CLVS1: variants seen among roughly 807,000 people sequenced by gnomAD.
CLVS1 encodes the protein clavesin 1.
In CLVS1, 10 loss-of-function variants were observed where a neutral mutation model predicts 33.1. The observed-to-expected ratio is 0.30, with a 90% confidence interval of 0.19 to 0.51. The LOEUF is 0.51. Among genes scored for constraint, CLVS1 ranks in the 20% least tolerant of loss-of-function variants. The probability of loss-of-function intolerance (pLI) is 0.97; values close to 1 mark genes in which losing one functional copy is unlikely to be tolerated. For missense variants in CLVS1, 343 were observed against 433.4 expected, an observed-to-expected ratio of 0.79 and a Z score of 1.85; for synonymous variants, 163 against 166.1, an observed-to-expected ratio of 0.98 and a Z score of 0.14.
Position 61,299,930 on chromosome 8 carries a change from A to G in CLVS1, c.103A>G (p.Ile35Val), listed in dbSNP as rs759006982. 5.6e-6 allele frequency: 9 copies of G among 1,613,920 alleles called. No homozygotes were observed. Among genetic ancestry groups the G allele is most frequent in the South Asian group, 1.1e-5 (1 of 91,082 alleles). Residue 35 changes from isoleucine to valine, a missense_variant, in exon 2 of 6, where the codon ATA becomes GTA. Physicochemically the swap from Ile to Val is conservative, Grantham distance 29. This residue lies in a region of CLVS1 where 88 missense variants were observed against 77.3 expected (regional missense o/e 1.14). Coordinates refer to ENST00000325897, the MANE Select transcript of CLVS1 (RefSeq NM_173519.3). ...ACAGGCTGGACTCAGTCCAGAGACT[A>G]TAGAGAAAGCTCGCCTGGAACTGAA... ...HLQAGLSPET[I>V]EKARLELNEN...
chr8:61,414,585 G>A (rs1815359086), intron 3 of CLVS1, among the ~76,000 whole-genome samples: 1 of 152,112 alleles, frequency 6.6e-6, no homozygotes, highest in Non-Finnish European at 1.5e-5. Flanking sequence ...TTTGGCTGGG[G>A]CTGCGAGTAG....
At chr8:61,210,324 TCA>T in intron 2 of CLVS1, among the ~76,000 whole-genome samples, 1 of 152,320 alleles carries the variant, frequency 6.6e-6, no homozygotes, top group Non-Finnish European at 1.5e-5. Flanking sequence ...GGAACAGCCC[TCA>T]CCGGACACTG....
At chr8:61,106,742 A>T (rs1805546261) in intron 1 of CLVS1, among the ~76,000 whole-genome samples, 2 of 152,106 alleles carry the variant, frequency 1.3e-5, no homozygotes, top group Admixed American at 1.3e-4. Flanking sequence ...CAACTATGGA[A>T]ATTTTACTGG....
At chr8:61,478,846 T>C (rs953289137) in intron 5 of CLVS1, among the ~76,000 whole-genome samples, 2 of 152,188 alleles carry the variant, frequency 1.3e-5, no homozygotes, top group Admixed American at 1.3e-4. Context: ...ATGTGTGAAT[T>C]TGATCCTGTC....
chr8:61,340,751 A>G (rs1156411467), intron 2 of CLVS1, among the ~76,000 whole-genome samples: 2 of 151,822 alleles, frequency 1.3e-5, no homozygotes, highest in East Asian at 1.9e-4. Flanking sequence ...TTTTTTGAGG[A>G]CCCTCCATAT....
chr8:61,120,513 T>G lies in CLVS1; in HGVS notation c.-242-11257T>G, dbSNP rs1280365427. 2.7e-4 allele frequency among the ~76,000 whole-genome samples: 27 copies of G among 98,786 alleles called. No homozygotes were observed. The Middle Eastern group carries it at 0.012, about 44-fold the overall frequency. 64.8% of individuals were successfully genotyped at this position (98,786 alleles called of 152,430 possible). ...CCCCATCTTTGTGGTTTTATCTACT[T>G]TTGGTCTTTGATGATGGTGATGTAC... is the stretch of plus-strand genomic sequence containing the variant. On this transcript the variant is annotated intron_variant, in intron 1 of 2. Coordinates refer to the CLVS1 transcript ENST00000522621.
At chr8:61,478,641 C>G (rs1432348791) in intron 5 of CLVS1, among the ~76,000 whole-genome samples, 1 of 152,030 alleles carries the variant, frequency 6.6e-6, no homozygotes, top group African/African-American at 2.4e-5. Context: ...GATTGCAACC[C>G]CTGCCTTTTT....
intron 2 of CLVS1, among the ~76,000 whole-genome samples, chr8:61,242,553 G>A (rs1808717727): frequency 6.6e-6 from 1 of 152,126 alleles, no homozygotes; most frequent in Admixed American, 6.6e-5. Context: ...ACTCTGGAAG[G>A]CCGAGGCGGG....
intron 2 of CLVS1, among the ~76,000 whole-genome samples, chr8:61,179,478 T>C (rs1309645212): frequency 2.0e-5 from 3 of 152,230 alleles, no homozygotes; most frequent in African/African-American, 7.2e-5. Flanking sequence ...AACTCAGCTC[T>C]GGATAAAGTC....
chr8:61,222,440 G>A (rs1191530033), intron 2 of CLVS1, among the ~76,000 whole-genome samples: 1 of 152,006 alleles, frequency 6.6e-6, no homozygotes, highest in African/African-American at 2.4e-5. Flanking sequence ...ATTTACCCAG[G>A]AATCATTTTA....
intron 2 of CLVS1, among the ~76,000 whole-genome samples, chr8:61,275,307 C>A (rs1351478021): frequency 6.6e-6 from 1 of 152,064 alleles, no homozygotes; most frequent in Admixed American, 6.5e-5. Flanking sequence ...ACCTGCCTGG[C>A]ACCTAGATGC....
At chr8:61,491,670 T>G (rs1226119044) in intron 5 of CLVS1, among the ~76,000 whole-genome samples, 2 of 152,178 alleles carry the variant, frequency 1.3e-5, no homozygotes, top group East Asian at 3.9e-4. Flanking sequence ...TAACTGTTCT[T>G]CAGGTGTCCT....
At chr8:61,385,781 G>A (rs781086141) in intron 3 of CLVS1, among the ~76,000 whole-genome samples, 3 of 152,172 alleles carry the variant, frequency 2.0e-5, no homozygotes, top group African/African-American at 4.8e-5. Context: ...TCTAGTGTCT[G>A]CGTCGTCTGT....
chr8:61,481,091 G>T (rs1323329669), intron 5 of CLVS1, among the ~76,000 whole-genome samples: 3 of 152,174 alleles, frequency 2.0e-5, no homozygotes, highest in Non-Finnish European at 4.4e-5. Flanking sequence ...TCACACATAA[G>T]GGGACATAGG....
chr8:61,294,155 T>C (rs1192561426), intron 1 of CLVS1, among the ~76,000 whole-genome samples: 1 of 151,988 alleles, frequency 6.6e-6, no homozygotes, highest in Non-Finnish European at 1.5e-5. Flanking sequence ...ATTATGTGAG[T>C]GTAGTTGAGT....
intron 2 of CLVS1, among the ~76,000 whole-genome samples, chr8:61,357,000 T>C (rs890890366): frequency 2.0e-5 from 3 of 152,210 alleles, no homozygotes; most frequent in Non-Finnish European, 4.4e-5. Flanking sequence ...CAAATTACCT[T>C]GGGCAGTATG....
chr8:61,466,957 T>C (rs1292366565), intron 5 of CLVS1, among the ~76,000 whole-genome samples: 4 of 152,142 alleles, frequency 2.6e-5, no homozygotes, highest in African/African-American at 9.7e-5. Flanking sequence ...CCTATAGATA[T>C]TATTTAAAAG....
chr8:61,485,275 G>A (rs1803833621), intron 5 of CLVS1, among the ~76,000 whole-genome samples: 1 of 152,188 alleles, frequency 6.6e-6, no homozygotes, highest in Non-Finnish European at 1.5e-5. Context: ...CCATCAAAAA[G>A]TGGACAAAGG....
At chr8:61,048,400 T>A in the CLVS1 span, among the ~76,000 whole-genome samples, 2 of 152,236 alleles carry the variant, frequency 1.3e-5, no homozygotes, top group African/African-American at 4.8e-5. Context: ...CATGCCTGCA[T>A]GGAGTGAACT....
Sources: allele counts gnomAD v4.1 joint callset (sites outside exome capture counted in the v4.1 genomes callset), GRCh38; gene constraint gnomAD v4.1.1; regional missense constraint gnomAD v4.1.1; transcripts MANE v1.5; gene names NCBI Gene and HGNC (gene_info 2026-07-23, HGNC 2026-07-21).